The following ST18 variants were observed in gnomAD, a reference collection of about 807,000 sequenced individuals.
ST18 encodes ST18 C2H2C-type zinc finger transcription factor.
In ST18, 50 loss-of-function variants were observed where a neutral mutation model predicts 110.0. The observed-to-expected ratio is 0.45, with a 90% confidence interval of 0.36 to 0.58. ST18 has a LOEUF of 0.58. Ranked by LOEUF, ST18 falls within the 20% of genes least tolerant of loss-of-function variation. The pLI is 0.00. For synonymous variants in ST18, 461 were observed against 452.4 expected (o/e 1.02, Z -0.24); for missense variants, 1,306 against 1,280.1 (o/e 1.02, Z -0.31).
intron 8 of ST18, 66 bp downstream of exon 8, chr8:52,212,013 G>T: frequency 6.6e-7 from 1 of 1,525,826 alleles, no homozygotes; most frequent in Non-Finnish European, 9.0e-7. Context: ...GGCTTGAAAA[G>T]TACAAATCAT....
chr8:52,140,490 C>CTGG (rs2054526145), intron 17 of ST18, among the ~76,000 whole-genome samples: 1 of 151,928 alleles, frequency 6.6e-6, no homozygotes, highest in African/African-American at 2.4e-5. Context: ...CACCACTGAA[C>CTGG]TCCAGCCTGG....
chr8:52,392,733 AC>A (rs373185047), intron 2 of ST18, among the ~76,000 whole-genome samples: 4 of 152,318 alleles, frequency 2.6e-5, no homozygotes, highest in African/African-American at 9.6e-5. Context: ...GAGTTAAAAC[AC>A]CCTCTAGAGG....
Position 52,113,180 on chromosome 8 carries a change from C to A in ST18, c.*18G>T, listed in dbSNP as rs371519015. On this transcript the variant is annotated 3_prime_UTR_variant, in exon 26 of 26. Coordinates refer to ENST00000689386, the MANE Select transcript of ST18 (RefSeq NM_001352837.2). Reference sequence around the variant, plus strand: ...TTACTGCTGTTGGTAACTTCTGTTGCCCGGCAGCGCTGTGATCCTACACAT... The same window carrying A: ...TTACTGCTGTTGGTAACTTCTGTTGACCGGCAGCGCTGTGATCCTACACAT... 5 of 1,612,696 alleles carry A rather than the reference C, an allele frequency of 3.1e-6. No individual in the cohort carries two copies. The African/African-American group carries it at 6.7e-5, about 21-fold the overall frequency.
chr8:52,283,422 C>A (rs1189384760), intron 2 of ST18, among the ~76,000 whole-genome samples: 2 of 152,062 alleles, frequency 1.3e-5, no homozygotes, highest in Non-Finnish European at 2.9e-5. Flanking sequence ...GGTCACTCCA[C>A]AGTCTGGGAA....
chr8:52,158,824 T>C lies in ST18; in HGVS notation c.1806+74A>G, dbSNP rs1033381601. ...GGGAGCAGAGTGGTAGTGAATGTAGTTAGGAACATGAAAGGCAGTTTATTC... is the reference window on the plus strand; with the variant it reads ...GGGAGCAGAGTGGTAGTGAATGTAGCTAGGAACATGAAAGGCAGTTTATTC... On this transcript the variant is annotated intron_variant, in intron 15 of 25. Coordinates refer to ENST00000689386, the MANE Select transcript of ST18 (RefSeq NM_001352837.2). 2.6e-6 allele frequency: 4 copies of C among 1,533,590 alleles called. No homozygotes were observed. In the African/African-American group the frequency reaches 5.5e-5, roughly 21 times the overall value. 95.0% of individuals were successfully genotyped at this position (1,533,590 alleles called of 1,614,324 possible). A position where few individuals can be genotyped will look rare whatever the true frequency, so the allele number is the denominator to read the frequency against.
At chr8:52,363,365 G>T (rs1375862307) in intron 2 of ST18, among the ~76,000 whole-genome samples, 1 of 152,130 alleles carries the variant, frequency 6.6e-6, no homozygotes, top group African/African-American at 2.4e-5. Context: ...CCATTTGGGG[G>T]TTATTTAGGA....
intron 19 of ST18, among the ~76,000 whole-genome samples, chr8:52,135,705 T>A (rs540331073): frequency 6.6e-6 from 1 of 152,210 alleles, no homozygotes; most frequent in African/African-American, 2.4e-5. Flanking sequence ...TTATCACATC[T>A]TCTTTCATAA....
intron 2 of ST18, among the ~76,000 whole-genome samples, chr8:52,357,676 A>AATATATATATATATAT (rs71252934): frequency 7.8e-5 from 3 of 38,452 alleles, no homozygotes; most frequent in Admixed American, 3.5e-4. Flanking sequence ...AAAATCTATA[A>AATATATATATATATAT]ATATATATAT....
At chr8:52,158,787 C>T in intron 15 of ST18, 111 bp downstream of exon 15, 2 of 1,258,200 alleles carry the variant, frequency 1.6e-6, no homozygotes, top group Non-Finnish European at 2.3e-6. Flanking sequence ...GAGGGGATCG[C>T]TTCAGAGGTT....
At chr8:52,165,825 C>T (rs1013429044) in intron 11 of ST18, among the ~76,000 whole-genome samples, 3 of 152,218 alleles carry the variant, frequency 2.0e-5, no homozygotes, top group African/African-American at 7.2e-5. Context: ...TGATGTTAAG[C>T]ACTTCCATTT....
chr8:52,234,102 T>A (rs1232139841), intron 2 of ST18, among the ~76,000 whole-genome samples: 1 of 152,198 alleles, frequency 6.6e-6, no homozygotes, highest in East Asian at 1.9e-4. Context: ...TTTGGCTATG[T>A]TAACTTTTTT....
chr8:52,400,123 T>C lies in ST18; in HGVS notation c.-465+9205A>G, dbSNP rs993602440. ...GGTGCATATATATTTCCAATTGTTT[T>C]GTCTTCTTAATAGGTTAGCCCTTTT... On this transcript the variant is annotated intron_variant, in intron 2 of 25. Transcript: ENST00000689386. 2.6e-5 allele frequency among the ~76,000 whole-genome samples: 4 copies of C among 152,140 alleles called. No individual in the cohort carries two copies. The South Asian group carries it at 6.2e-4, about 24-fold the overall frequency.
chr8:52,119,068 G>A, intron 23 of ST18, among the ~76,000 whole-genome samples: 1 of 152,192 alleles, frequency 6.6e-6, no homozygotes, highest in Non-Finnish European at 1.5e-5. Context: ...TGAGGAAAAT[G>A]TAATTTAGGG....
At chr8:52,388,970 ATT>A (rs994366127) in intron 2 of ST18, among the ~76,000 whole-genome samples, 2 of 72,498 alleles carry the variant, frequency 2.8e-5, no homozygotes, top group Non-Finnish European at 6.8e-5. Flanking sequence ...TATAATAATA[ATT>A]TAAAAAAAAA....
intron 16 of ST18, among the ~76,000 whole-genome samples, chr8:52,147,385 T>C (rs909161440): frequency 6.6e-6 from 1 of 152,112 alleles, no homozygotes; most frequent in Non-Finnish European, 1.5e-5. Flanking sequence ...AAGGAAGTGA[T>C]AGGAATGGGT....
intron 2 of ST18, among the ~76,000 whole-genome samples, chr8:52,335,965 T>A (rs190877675): frequency 3.7e-4 from 56 of 152,028 alleles, no homozygotes; most frequent in Non-Finnish European, 7.6e-4. Flanking sequence ...GTGGCCCCCA[T>A]CTGTCTCCCC....
intron 2 of ST18, among the ~76,000 whole-genome samples, chr8:52,232,980 A>G (rs1481338234): frequency 6.6e-6 from 1 of 152,124 alleles, no homozygotes; most frequent in African/African-American, 2.4e-5. Flanking sequence ...TTTTAAAAGA[A>G]TCAGTGCCCC....
chr8:52,341,325 GC>G (rs1814912744), intron 2 of ST18, among the ~76,000 whole-genome samples: 1 of 152,200 alleles, frequency 6.6e-6, no homozygotes, highest in African/African-American at 2.4e-5. Flanking sequence ...TGAAATACAT[GC>G]AAATTAGGTT....
chr8:52,244,653 G>A (rs1040335729), intron 2 of ST18, among the ~76,000 whole-genome samples: 28 of 152,158 alleles, frequency 1.8e-4, no homozygotes, highest in Admixed American at 4.6e-4. Context: ...ACATTCTGCA[G>A]ATGACCGCCC....
Sources: gnomAD v4.1 joint callset for allele counts (sites outside exome capture counted in the v4.1 genomes callset) on GRCh38, gnomAD v4.1.1 for gene constraint, MANE v1.5 for transcripts, NCBI Gene and HGNC (gene_info 2026-07-23, HGNC 2026-07-21) for gene names.